The following SGCZ variants were observed in gnomAD, a reference collection of about 807,000 sequenced individuals.
SGCZ encodes zeta-sarcoglycan.
SGCZ carries 40 observed loss-of-function variants against 41.3 expected under a neutral mutation model. The observed-to-expected ratio is 0.97, with a 90% CI of 0.75 to 1.26. The LOEUF (loss-of-function observed/expected upper bound fraction) is 1.26, where lower values mean the gene tolerates loss of function less well. SGCZ is among the 50% of genes most tolerant of loss of function. The pLI, the probability that SGCZ is intolerant of heterozygous loss-of-function variation, is 0.00. For synonymous variants in SGCZ, 206 were observed against 137.5 expected (o/e 1.50, Z -3.49); for missense variants, 552 against 369.8 (o/e 1.49, Z -4.04).
chr8:15,195,023 A>C (rs1212404486), intron 1 of SGCZ, among the ~76,000 whole-genome samples: 2 of 152,240 alleles, frequency 1.3e-5, no homozygotes, highest in African/African-American at 4.8e-5. Context: ...CCATCTTATT[A>C]TCTTAGCATC....
At chr8:14,533,265 G>C (rs947767479) in intron 2 of SGCZ, among the ~76,000 whole-genome samples, 3 of 151,626 alleles carry the variant, frequency 2.0e-5, no homozygotes, top group Non-Finnish European at 4.4e-5. Context: ...TTCCAAAATG[G>C]TATTTGTGTA....
At chr8:14,514,820 T>C (rs113564123) in intron 2 of SGCZ, among the ~76,000 whole-genome samples, 9,935 of 111,546 alleles carry the variant, frequency 0.089, 553 homozygotes, top group African/African-American at 0.16. Flanking sequence ...TGTGTATATA[T>C]ACACGCACAC....
intron 1 of SGCZ, among the ~76,000 whole-genome samples, chr8:14,916,143 T>A (rs1375257189): frequency 1.3e-5 from 2 of 152,240 alleles, no homozygotes. Context: ...ATAAATTTTT[T>A]AAATCAGTTT....
intron 2 of SGCZ, among the ~76,000 whole-genome samples, chr8:14,394,671 C>T (rs1362256392): frequency 6.6e-6 from 1 of 151,710 alleles, no homozygotes. Flanking sequence ...ATGACAAAGG[C>T]CTAAACTACC....
chr8:14,802,811 GA>G (rs1801368399), intron 1 of SGCZ, among the ~76,000 whole-genome samples: 1 of 152,170 alleles, frequency 6.6e-6, no homozygotes, highest in Admixed American at 6.5e-5. Flanking sequence ...AATGTTCCAA[GA>G]AATAGGGTGA....
In SGCZ at chr8:15,132,818, T is replaced by G. The variant is rs190340810; in HGVS notation, c.39+104767A>C. 3.9e-3 allele frequency among the ~76,000 whole-genome samples: 601 copies of G among 152,286 alleles called. 7 individuals carry two copies. The highest frequency in any genetic ancestry group is 0.012 in the Admixed American group (186 of 15,298). On this transcript the variant is annotated intron_variant, in intron 1 of 7. Transcript: ENST00000382080. ...GAGAGCCTGTTCACCACCATACCAT[T>G]GCTAAGACCTTCATAAAGTTCTAGC...
At chr8:15,109,045 T>C (rs1016654737) in intron 1 of SGCZ, among the ~76,000 whole-genome samples, 49 of 152,278 alleles carry the variant, frequency 3.2e-4, no homozygotes, top group African/African-American at 1.2e-3. Flanking sequence ...AACAAGAACC[T>C]GGTTAAAATT....
chr8:15,156,035 G>T lies in SGCZ; in HGVS notation c.39+81550C>A, dbSNP rs1428572364. On this transcript the variant is annotated intron_variant, in intron 1 of 7. Transcript: ENST00000382080. Reference sequence around the variant, plus strand: ...ATCGTGCCATTGCACTCCAGCCTGGGTGACAGAGTGAGATTCCCTCTCAAA... The same window carrying T: ...ATCGTGCCATTGCACTCCAGCCTGGTTGACAGAGTGAGATTCCCTCTCAAA... Among the ~76,000 whole-genome samples, 48 of 138,998 alleles carry T rather than the reference G, an allele frequency of 3.5e-4. 1 individual carries two copies. In the Admixed American group the frequency reaches 3.5e-3, roughly 10 times the overall value. 91.2% of individuals were successfully genotyped at this position (138,998 alleles called of 152,430 possible).
intron 1 of SGCZ, among the ~76,000 whole-genome samples, chr8:14,838,753 G>C (rs1258721670): frequency 6.6e-6 from 1 of 152,102 alleles, no homozygotes; most frequent in Non-Finnish European, 1.5e-5. Context: ...TAAAATCTTT[G>C]TTTTCTTGTG....
chr8:15,208,519 T>C (rs2117152958), intron 1 of SGCZ, among the ~76,000 whole-genome samples: 1 of 152,284 alleles, frequency 6.6e-6, no homozygotes, highest in South Asian at 2.1e-4. Context: ...ACAAAAATAG[T>C]GATTCTCTTC....
At chr8:14,481,489 A>C (rs1801533620) in intron 2 of SGCZ, among the ~76,000 whole-genome samples, 1 of 152,208 alleles carries the variant, frequency 6.6e-6, no homozygotes, top group Non-Finnish European at 1.5e-5. Flanking sequence ...AATTTTTATC[A>C]ATCTCACAAT....
intron 1 of SGCZ, among the ~76,000 whole-genome samples, chr8:14,824,384 C>T (rs75340311): frequency 0.029 from 4,431 of 152,054 alleles, 188 homozygotes; most frequent in African/African-American, 0.093. Context: ...TTATAGTGTG[C>T]CACTTTAATA....
intron 2 of SGCZ, among the ~76,000 whole-genome samples, chr8:14,553,663 C>A (rs143039038): frequency 6.6e-6 from 1 of 151,908 alleles, no homozygotes; most frequent in Non-Finnish European, 1.5e-5. Flanking sequence ...ACAACATGGA[C>A]GGCAGCTAGG....
chr8:15,019,007 G>A (rs1433210974), intron 1 of SGCZ, among the ~76,000 whole-genome samples: 2 of 152,146 alleles, frequency 1.3e-5, no homozygotes, highest in African/African-American at 4.8e-5. Flanking sequence ...AGCAGGAAGT[G>A]CTACACACTT....
At chr8:14,182,327 T>C (rs1237472288) in intron 4 of SGCZ, among the ~76,000 whole-genome samples, 1 of 152,150 alleles carries the variant, frequency 6.6e-6, no homozygotes, top group East Asian at 1.9e-4. Context: ...TGAGAATCCA[T>C]ACATCCTGGA....
At chr8:15,233,801 A>G (rs918135028) in intron 1 of SGCZ, among the ~76,000 whole-genome samples, 4 of 152,190 alleles carry the variant, frequency 2.6e-5, no homozygotes, top group African/African-American at 4.8e-5. Context: ...TTAGCAGAAA[A>G]AAACTAATTT....
intron 2 of SGCZ, among the ~76,000 whole-genome samples, chr8:14,406,866 G>A (rs947744633): frequency 6.6e-6 from 1 of 151,946 alleles, no homozygotes; most frequent in Non-Finnish European, 1.5e-5. Flanking sequence ...CTGCGTATAG[G>A]GTAGCCTCCT....
At chr8:15,028,287 G>C (rs539298447) in intron 1 of SGCZ, among the ~76,000 whole-genome samples, 51 of 152,184 alleles carry the variant, frequency 3.4e-4, no homozygotes, top group African/African-American at 1.2e-3. Context: ...AAAACGTCAT[G>C]GGCTTTCCTT....
chr8:14,441,352 G>C (rs1057403383), intron 2 of SGCZ, among the ~76,000 whole-genome samples: 1 of 152,114 alleles, frequency 6.6e-6, no homozygotes, highest in Non-Finnish European at 1.5e-5. Flanking sequence ...CAAGACAGGT[G>C]GATCACGAGG....
Sources: allele counts gnomAD v4.1 joint callset (sites outside exome capture counted in the v4.1 genomes callset), GRCh38; gene constraint gnomAD v4.1.1; transcripts MANE v1.5; gene names NCBI Gene and HGNC (gene_info 2026-07-23, HGNC 2026-07-21).